Variants in TMX3 observed in about 807,000 individuals in gnomAD.
TMX3 encodes the protein protein disulfide-isomerase TMX3.
In TMX3, 40 loss-of-function variants were observed where a neutral mutation model predicts 64.4. The ratio of observed to expected loss-of-function variants is 0.62; its 90% CI spans 0.48 to 0.81. TMX3 has a LOEUF of 0.81. TMX3 is among the 30% of genes least tolerant of loss of function. The pLI is 0.00. For synonymous variants in TMX3, 189 were observed against 175.7 expected, an observed-to-expected ratio of 1.08 and a Z score of -0.60; for missense variants, 497 against 534.5, an observed-to-expected ratio of 0.93 and a Z score of 0.69.
chr18:68,704,971 CA>C (rs1362674950), intron 4 of TMX3, among the ~76,000 whole-genome samples: 1 of 152,196 alleles, frequency 6.6e-6, no homozygotes, highest in Non-Finnish European at 1.5e-5. Flanking sequence ...AGGAGTTACT[CA>C]ACCTCTAAAG....
At chr18:68,690,437 T>C (rs1464513239) in intron 9 of TMX3, among the ~76,000 whole-genome samples, 1 of 152,174 alleles carries the variant, frequency 6.6e-6, no homozygotes, top group African/African-American at 2.4e-5. Flanking sequence ...AGATGTCGAG[T>C]TTCACTGCTT....
intron 13 of TMX3, among the ~76,000 whole-genome samples, chr18:68,682,564 G>T (rs1364058679): frequency 6.6e-6 from 1 of 152,028 alleles, no homozygotes; most frequent in Non-Finnish European, 1.5e-5. Context: ...ATTAGTTTTT[G>T]AATGCTAAAC....
At chr18:68,679,623 T>C (rs2145006265) in intron 14 of TMX3, 92 bp from the exon 15 acceptor site, 2 of 1,042,418 alleles carry the variant, frequency 1.9e-6, no homozygotes, top group Non-Finnish European at 2.8e-6. Flanking sequence ...GCCAAATGGT[T>C]GACTCCAAAA....
rs1343406555 is a variant in TMX3 at position 68,674,689 on chromosome 18, G to GT, written c.*2243dup. 16 of 152,170 alleles carry GT rather than the reference G, an allele frequency of 1.1e-4. No individual in the cohort carries two copies. Among genetic ancestry groups the GT allele is most frequent in the Admixed American group, 1.0e-3 (16 of 15,274 alleles). The allele number at this position is 152,170 out of a possible 1,614,324, so 9.4% of individuals were successfully genotyped here. ...TACGAGCAAACAAATTTTAGAATCTGTTTTGTGAATAGTCTGACAATGTAA... is the reference window on the plus strand; with the variant it reads ...TACGAGCAAACAAATTTTAGAATCTGTTTTTGTGAATAGTCTGACAATGTAA... On this transcript the variant is annotated 3_prime_UTR_variant, in exon 16 of 16. Transcript: ENST00000299608.
chr18:68,698,067 A>G (rs1568193511), intron 6 of TMX3, 36 bp from the exon 7 acceptor site: 1 of 1,405,480 alleles, frequency 7.1e-7, no homozygotes, highest in Non-Finnish European at 1.0e-6. Flanking sequence ...AACTTGAATT[A>G]TAAACTAAAG....
rs775830437 is a variant in TMX3 at position 68,676,389 on chromosome 18, C to CT, written c.*543dup. 1.3e-5 allele frequency: 2 copies of CT among 152,050 alleles called. No individual in the cohort carries two copies. The highest frequency in any genetic ancestry group is 2.9e-5 in the Non-Finnish European group (2 of 68,050). 9.4% of individuals were successfully genotyped at this position (152,050 alleles called of 1,614,324 possible). A position where few individuals can be genotyped will look rare whatever the true frequency, so the allele number is the denominator to read the frequency against. On this transcript the variant is annotated 3_prime_UTR_variant, in exon 16 of 16. Transcript: ENST00000299608. Reference sequence around the variant, plus strand: ...AACATTTCTTCTCCTTTAAAAATAACTAACAAAATAAAACCACTATGCTAT... The same window carrying CT: ...AACATTTCTTCTCCTTTAAAAATAACTTAACAAAATAAAACCACTATGCTAT...
rs1912938548 is a variant in TMX3, at chr18:68,676,515, T to C, written c.*418A>G. On this transcript the variant is annotated 3_prime_UTR_variant, in exon 16 of 16. Transcript: ENST00000299608. ...TTTTAAAGACTTAATTTTGTCCATA[T>C]AAATCTTGTCCAAAATATATGAGGG... 6.2e-6 allele frequency: 1 copy of C among 162,198 alleles called. No individual in the cohort carries two copies. The highest frequency in any genetic ancestry group is 6.1e-5 in the Admixed American group (1 of 16,500). 10.0% of individuals were successfully genotyped at this position (162,198 alleles called of 1,614,324 possible).
At chr18:68,702,355 CTAGAG>C (rs146229175) in intron 4 of TMX3, among the ~76,000 whole-genome samples, 9,044 of 151,872 alleles carry the variant, frequency 0.06, 814 homozygotes, top group African/African-American at 0.2. Flanking sequence ...TTGTGATAAC[CTAGAG>C]TAATTTTAAT....
chr18:68,681,151 G>C, intron 13 of TMX3, 41 bp from the exon 14 acceptor site: 1 of 1,448,326 alleles, frequency 6.9e-7, no homozygotes, highest in Non-Finnish European at 9.2e-7. Flanking sequence ...ATTAAACACA[G>C]CAATAGCAAG....
At chr18:68,690,595 A>C (rs1914420357) in intron 9 of TMX3, among the ~76,000 whole-genome samples, 1 of 152,232 alleles carries the variant, frequency 6.6e-6, no homozygotes, top group Non-Finnish European at 1.5e-5. Context: ...TTTATCTAAA[A>C]ATAAAAAGTC....
chr18:68,679,998 T>C (rs896088409), intron 14 of TMX3, among the ~76,000 whole-genome samples: 2 of 152,210 alleles, frequency 1.3e-5, no homozygotes. Flanking sequence ...GCTCATTTTT[T>C]AAATTTCCAA....
chr18:68,680,736 C>A (rs564357933), intron 14 of TMX3, among the ~76,000 whole-genome samples: 1 of 152,240 alleles, frequency 6.6e-6, no homozygotes, highest in Admixed American at 6.5e-5. Context: ...ACCAAAAATA[C>A]CCTCCAAATA....
intron 9 of TMX3, 76 bp downstream of exon 9, chr18:68,691,219 A>G (rs1390779072): frequency 1.9e-6 from 2 of 1,036,410 alleles, no homozygotes; most frequent in Non-Finnish European, 2.8e-6. Flanking sequence ...GCATTTACAT[A>G]ATCTTTACAC....
chr18:68,684,730 T>A (rs1913778093), intron 10 of TMX3, among the ~76,000 whole-genome samples: 1 of 152,102 alleles, frequency 6.6e-6, no homozygotes, highest in South Asian at 2.1e-4. Flanking sequence ...TAAGAGTAAA[T>A]ATGTAATAAT....
At position 68,710,012 on chromosome 18, in the gene TMX3, A is replaced by G; in HGVS notation, c.265+9T>C. ...GAACAGTAAAATAATAAACTAAGTG[A>G]AGGCTTACTAGAATAGGAAGTAGCA... On this transcript the variant is annotated intron_variant, in intron 4 of 15. Transcript: ENST00000299608. 6.3e-7 allele frequency: 1 copy of G among 1,576,394 alleles called. No homozygotes were observed. The highest frequency in any genetic ancestry group is 8.6e-7 in the Non-Finnish European group (1 of 1,165,082).
chr18:68,697,385 C>G, intron 7 of TMX3, 82 bp from the exon 8 acceptor site: 1 of 695,928 alleles, frequency 1.4e-6, no homozygotes, highest in Non-Finnish European at 2.4e-6. Flanking sequence ...TGAGAGTTAC[C>G]TTATGTAGTA....
chr18:68,700,643 G>A, intron 5 of TMX3, 158 bp from the exon 6 acceptor site: 1 of 794,234 alleles, frequency 1.3e-6, no homozygotes, highest in Non-Finnish European at 1.5e-6. Context: ...TAGACATTAG[G>A]CTTGCCAGAG....
intron 4 of TMX3, 89 bp from the exon 5 acceptor site, chr18:68,701,879 A>G (rs1289907648): frequency 2.9e-6 from 3 of 1,024,556 alleles, no homozygotes; most frequent in East Asian, 5.0e-5. Context: ...AAAAATAGAG[A>G]TATTTATACA....
chr18:68,703,788 C>A (rs1019372715), intron 4 of TMX3, among the ~76,000 whole-genome samples: 1 of 151,692 alleles, frequency 6.6e-6, no homozygotes, highest in Non-Finnish European at 1.5e-5. Flanking sequence ...AAATTAGTCG[C>A]GCGCGGTGGC....
Sources: allele counts gnomAD v4.1 joint callset (sites outside exome capture counted in the v4.1 genomes callset), GRCh38; gene constraint gnomAD v4.1.1; transcripts MANE v1.5; gene names NCBI Gene and HGNC (gene_info 2026-07-23, HGNC 2026-07-21).